The following PIP4K2A variants were observed in gnomAD, a reference collection of about 807,000 sequenced individuals.
PIP4K2A encodes phosphatidylinositol-5-phosphate 4-kinase type 2 alpha.
Under a neutral mutation model 42.9 loss-of-function variants are expected in PIP4K2A, and 14 were observed. That is an observed-to-expected ratio of 0.33 (90% CI 0.22 to 0.51). PIP4K2A has a LOEUF of 0.51. Ranked by LOEUF, PIP4K2A falls within the 20% of genes least tolerant of loss-of-function variation. PIP4K2A has a pLI of 0.97. For synonymous variants in PIP4K2A, 192 were observed against 192.2 expected, an observed-to-expected ratio of 1.00 and a Z score of 0.01; for missense variants, 434 against 519.8, an observed-to-expected ratio of 0.83 and a Z score of 1.61.
intron 6 of PIP4K2A, among the ~76,000 whole-genome samples, chr10:22,552,829 C>T (rs1309206585): frequency 1.3e-5 from 2 of 152,058 alleles, no homozygotes; most frequent in South Asian, 4.2e-4. Flanking sequence ...AGGATATCTG[C>T]CTCAATTCCA....
chr10:22,549,393 C>T lies in PIP4K2A; in HGVS notation c.792+1266G>A, dbSNP rs138808124. On this transcript the variant is annotated intron_variant, in intron 7 of 9. Transcript: ENST00000376573. ...TTAATGACATAAAAAGACAATCTTC[C>T]CACAAAGCCTCTCTCTAAGTAGCAG... Among the ~76,000 whole-genome samples, 41 of 151,596 alleles carry T rather than the reference C, an allele frequency of 2.7e-4. 1 individual carries two copies. The highest frequency in any genetic ancestry group is 9.9e-4 in the African/African-American group (41 of 41,334).
intron 1 of PIP4K2A, among the ~76,000 whole-genome samples, chr10:22,709,345 G>C (rs1404851209): frequency 1.3e-5 from 2 of 152,134 alleles, no homozygotes; most frequent in Non-Finnish European, 2.9e-5. Flanking sequence ...TGTGAAAATT[G>C]AGGCTCAAGT....
intron 6 of PIP4K2A, among the ~76,000 whole-genome samples, chr10:22,555,915 C>T (rs1309867838): frequency 2.7e-5 from 4 of 148,382 alleles, no homozygotes; most frequent in African/African-American, 7.5e-5. Context: ...AAAAAAAAAT[C>T]ACAAGAAAAT....
chr10:22,541,721 CTG>C, intron 8 of PIP4K2A, 81 bp downstream of exon 8: 1 of 1,435,450 alleles, frequency 7.0e-7, no homozygotes, highest in South Asian at 1.6e-5. Context: ...ACCCTCATAA[CTG>C]GGGTAGTGCT....
chr10:22,626,948 A>C (rs531510670), intron 1 of PIP4K2A, among the ~76,000 whole-genome samples: 5 of 152,306 alleles, frequency 3.3e-5, no homozygotes, highest in African/African-American at 1.2e-4. Flanking sequence ...TCCTATTCAC[A>C]AACTGTCAAG....
At chr10:22,702,866 T>C (rs1005988379) in intron 1 of PIP4K2A, among the ~76,000 whole-genome samples, 1 of 152,184 alleles carries the variant, frequency 6.6e-6, no homozygotes, top group Non-Finnish European at 1.5e-5. Context: ...CACACTGTTC[T>C]AGATGCAGGG....
intron 1 of PIP4K2A, among the ~76,000 whole-genome samples, chr10:22,698,087 G>C (rs1291784520): frequency 6.6e-6 from 1 of 152,172 alleles, no homozygotes; most frequent in East Asian, 1.9e-4. Context: ...ACTGGGAGAA[G>C]TGGGTCAGTT....
At chr10:22,594,562 A>AT (rs1837589246) in intron 3 of PIP4K2A, among the ~76,000 whole-genome samples, 1 of 151,990 alleles carries the variant, frequency 6.6e-6, no homozygotes, top group African/African-American at 2.4e-5. Flanking sequence ...TGCCCAGCTA[A>AT]TTTTTTTATT....
At chr10:22,617,587 T>C (rs1838202632) in intron 1 of PIP4K2A, among the ~76,000 whole-genome samples, 1 of 152,214 alleles carries the variant, frequency 6.6e-6, no homozygotes, top group Non-Finnish European at 1.5e-5. Context: ...CTCTCACATG[T>C]AGAGGAGACA....
chr10:22,674,332 T>C (rs760532397), intron 1 of PIP4K2A, among the ~76,000 whole-genome samples: 3 of 151,070 alleles, frequency 2.0e-5, no homozygotes, highest in Non-Finnish European at 4.4e-5. Context: ...AAAAACACTC[T>C]TTCCGTATAT....
chr10:22,584,468 A>T (rs1286032879), intron 4 of PIP4K2A, among the ~76,000 whole-genome samples: 1 of 152,216 alleles, frequency 6.6e-6, no homozygotes, highest in Non-Finnish European at 1.5e-5. Flanking sequence ...TGAGCACGTT[A>T]AAGATGTACT....
intron 6 of PIP4K2A, among the ~76,000 whole-genome samples, chr10:22,556,190 G>T (rs563721203): frequency 2.0e-5 from 3 of 152,108 alleles, no homozygotes; most frequent in Non-Finnish European, 4.4e-5. Flanking sequence ...TCACTACACA[G>T]GACCCACGGG....
chr10:22,567,716 C>T (rs747553129), intron 6 of PIP4K2A, 135 bp downstream of exon 6: 39 of 806,658 alleles, frequency 4.8e-5, no homozygotes, highest in South Asian at 4.2e-4. Context: ...CAGTGTTTCT[C>T]GCTGGTGGCA....
At chr10:22,618,208 AT>A (rs759629245) in intron 1 of PIP4K2A, among the ~76,000 whole-genome samples, 1 of 152,182 alleles carries the variant, frequency 6.6e-6, no homozygotes, top group Non-Finnish European at 1.5e-5. Flanking sequence ...CTTTCCCCAC[AT>A]CCCTTCCTAT....
chr10:22,565,529 C>T (rs1733414394), intron 6 of PIP4K2A, among the ~76,000 whole-genome samples: 2 of 152,214 alleles, frequency 1.3e-5, no homozygotes, highest in Admixed American at 1.3e-4. Context: ...TCTCTTAATC[C>T]TGTCAGCTGA....
chr10:22,696,139 G>A (rs11013104), intron 1 of PIP4K2A, among the ~76,000 whole-genome samples: 45,320 of 152,096 alleles, frequency 0.3, 10,220 homozygotes, highest in African/African-American at 0.64. Flanking sequence ...CCATGTGTCT[G>A]GATCAGTACA....
At chr10:22,557,849 T>A (rs74661057) in intron 6 of PIP4K2A, among the ~76,000 whole-genome samples, 125 of 152,308 alleles carry the variant, frequency 8.2e-4, no homozygotes, top group African/African-American at 2.9e-3. Flanking sequence ...AAAATCTTTA[T>A]AATATAGAGC....
At chr10:22,539,911 GGGAGAGAGAGAGAGAGAGAGGGAGAGAA>G in intron 9 of PIP4K2A, 32 bp downstream of exon 9, 1 of 110,614 alleles carries the variant, frequency 9.0e-6, no homozygotes, top group Non-Finnish European at 1.5e-5. Flanking sequence ...GAGAGAGAGA[GGGAGAGAGAGAGAGAGAGAGGGAGAGAA>G]AGAGAGAAGG....
At chr10:22,569,080 T>C (rs958784298) in intron 5 of PIP4K2A, 4 of 1,520,838 alleles carry the variant, frequency 2.6e-6, no homozygotes, top group Non-Finnish European at 3.5e-6. Flanking sequence ...AATTTTTGAT[T>C]ACTGGCTTTC....
Sources: allele counts gnomAD v4.1 joint callset (sites outside exome capture counted in the v4.1 genomes callset), GRCh38; gene constraint gnomAD v4.1.1; transcripts MANE v1.5; gene names NCBI Gene and HGNC (gene_info 2026-07-23, HGNC 2026-07-21).